Variants in RBFOX3 observed in about 807,000 individuals in gnomAD.
The protein encoded by RBFOX3 is RNA binding fox-1 homolog 3, also known as RNA binding protein fox-1 homolog 3.
A neutral mutation model predicts 48.7 loss-of-function variants in RBFOX3; 17 were observed. The ratio of observed to expected loss-of-function variants is 0.35; its 90% CI spans 0.24 to 0.52. RBFOX3 has a LOEUF of 0.52. RBFOX3 is among the 20% of genes least tolerant of loss of function. RBFOX3 has a pLI of 0.94. For missense variants in RBFOX3, 382 were observed against 497.5 expected (o/e 0.77, Z 2.21); for synonymous variants, 212 against 209.5 (o/e 1.01, Z -0.10).
intron 3 of RBFOX3, among the ~76,000 whole-genome samples, chr17:79,241,599 G>A (rs34664400): frequency 0.24 from 35,842 of 152,046 alleles, 4,937 homozygotes; most frequent in South Asian, 0.32. Context: ...CTGTTTGTGC[G>A]GGAGGAAGCT....
intron 3 of RBFOX3, among the ~76,000 whole-genome samples, chr17:79,282,021 G>A (rs1434152329): frequency 6.6e-6 from 1 of 152,228 alleles, no homozygotes; most frequent in Admixed American, 6.5e-5. Context: ...CACTGAGGGG[G>A]CAGGGGATGG....
chr17:79,378,272 TCTC>T (rs1288545008), intron 2 of RBFOX3, among the ~76,000 whole-genome samples: 2 of 151,930 alleles, frequency 1.3e-5, no homozygotes, highest in African/African-American at 4.8e-5. Context: ...AGAAGACTCT[TCTC>T]CTAGAAGAGT....
intron 4 of RBFOX3, among the ~76,000 whole-genome samples, chr17:79,143,068 G>A (rs80300689): frequency 0.018 from 2,677 of 152,264 alleles, 75 homozygotes; most frequent in African/African-American, 0.061. Context: ...CATCTGTAAA[G>A]GGGACTCACA....
At chr17:79,107,730 A>G (rs1281119113) in intron 5 of RBFOX3, among the ~76,000 whole-genome samples, 2 of 152,234 alleles carry the variant, frequency 1.3e-5, no homozygotes, top group African/African-American at 4.8e-5. Flanking sequence ...CCCAGGCCCA[A>G]GGGCCTCTAC....
the RBFOX3 span, among the ~76,000 whole-genome samples, chr17:79,648,091 T>C: frequency 6.6e-6 from 1 of 151,756 alleles, no homozygotes; most frequent in Non-Finnish European, 1.5e-5. Context: ...GCAGAGCTGG[T>C]CTGGGGGTGC....
chr17:79,467,078 C>T (rs1317995208), intron 2 of RBFOX3, among the ~76,000 whole-genome samples: 4 of 151,956 alleles, frequency 2.6e-5, no homozygotes, highest in South Asian at 2.1e-4. Flanking sequence ...GGCACTGCCA[C>T]GGGCATGTGT....
At chr17:79,619,221 C>A in the RBFOX3 span, among the ~76,000 whole-genome samples, 6 of 152,144 alleles carry the variant, frequency 3.9e-5, no homozygotes, top group African/African-American at 1.4e-4. Context: ...AGAGACTGCC[C>A]AGGGCCAGCA....
Position 79,090,723 on chromosome 17 carries a change from C to G in RBFOX3, c.*160G>C. On this transcript the variant is annotated 3_prime_UTR_variant, in exon 15 of 15. Coordinates refer to ENST00000693108, the MANE Select transcript of RBFOX3 (RefSeq NM_001350451.2). The stretch of plus-strand genomic sequence containing the variant: ...TGCTCCCTCGGTGCGGGCGTGTGGC[C>G]AGGACGCGGGACTTGGACTTGGTTG... The G allele has an allele frequency of 1.1e-6, 1 of 918,896 alleles. No individual in the cohort carries two copies. Among genetic ancestry groups the G allele is most frequent in the Non-Finnish European group, 1.6e-6 (1 of 618,160 alleles). 56.9% of individuals were successfully genotyped at this position (918,896 alleles called of 1,614,324 possible). A position where few individuals can be genotyped will look rare whatever the true frequency, so the allele number is the denominator to read the frequency against.
chr17:79,149,856 C>T (rs934355357), intron 4 of RBFOX3, among the ~76,000 whole-genome samples: 41 of 150,344 alleles, frequency 2.7e-4, no homozygotes, highest in African/African-American at 6.9e-4. Context: ...GAGATGGCTG[C>T]CAGCCTCCTC....
intron 1 of RBFOX3, chr17:79,601,464 T>C (rs2093704256): frequency 6.6e-6 from 1 of 152,256 alleles, no homozygotes. Context: ...TGCAGCAGAC[T>C]TAATATTTTC....
chr17:79,115,339 G>A (rs553030484), intron 5 of RBFOX3, among the ~76,000 whole-genome samples, 155 bp downstream of exon 5: 40 of 152,252 alleles, frequency 2.6e-4, no homozygotes, highest in African/African-American at 8.7e-4. Context: ...TCTGGCCCAG[G>A]AGCCCCGTAA....
intron 3 of RBFOX3, among the ~76,000 whole-genome samples, chr17:79,295,956 G>A (rs1025013211): frequency 1.3e-5 from 2 of 151,872 alleles, no homozygotes; most frequent in Admixed American, 1.3e-4. Flanking sequence ...ATGAGCCAGC[G>A]TCATTCCCAG....
At chr17:79,411,885 G>A (rs562999240) in intron 2 of RBFOX3, among the ~76,000 whole-genome samples, 8 of 152,200 alleles carry the variant, frequency 5.3e-5, no homozygotes, top group South Asian at 2.1e-4. Context: ...TGTGTGCAGC[G>A]TGTATGCACG....
At chr17:79,616,335 A>C in the RBFOX3 span, among the ~76,000 whole-genome samples, 1 of 152,110 alleles carries the variant, frequency 6.6e-6, no homozygotes, top group South Asian at 2.1e-4. Context: ...CAGGAGCTCA[A>C]GACCAGCCTG....
chr17:79,432,399 C>T (rs1390804027), intron 2 of RBFOX3, among the ~76,000 whole-genome samples: 13 of 152,334 alleles, frequency 8.5e-5, no homozygotes, highest in South Asian at 4.1e-4. Context: ...GGCCAGGCGG[C>T]AAAAGCCAGC....
intron 1 of RBFOX3, among the ~76,000 whole-genome samples, chr17:79,558,272 G>A (rs986445900): frequency 6.6e-6 from 1 of 152,226 alleles, no homozygotes; most frequent in Admixed American, 6.5e-5. Context: ...TGGCGCAGGA[G>A]CAGGAAGGAA....
At chr17:79,619,988 C>CGCACATGCACACACAT in the RBFOX3 span, among the ~76,000 whole-genome samples, 1 of 151,966 alleles carries the variant, frequency 6.6e-6, no homozygotes, top group Admixed American at 6.5e-5. Flanking sequence ...CGCGCACACA[C>CGCACATGCACACACAT]GCACATGCAC....
At chr17:79,466,665 A>C (rs1352246925) in intron 2 of RBFOX3, among the ~76,000 whole-genome samples, 2 of 152,068 alleles carry the variant, frequency 1.3e-5, no homozygotes, top group African/African-American at 2.4e-5. Context: ...TGAAAGTCCC[A>C]CACACACACA....
chr17:79,558,987 G>A (rs2091983113), intron 1 of RBFOX3, among the ~76,000 whole-genome samples: 2 of 152,166 alleles, frequency 1.3e-5, no homozygotes, highest in African/African-American at 4.8e-5. Context: ...GTGCTCAGCT[G>A]AGGGGCAGCA....
Sources: gnomAD v4.1 joint callset for allele counts (sites outside exome capture counted in the v4.1 genomes callset) on GRCh38, gnomAD v4.1.1 for gene constraint, MANE v1.5 for transcripts, NCBI Gene and HGNC (gene_info 2026-07-23, HGNC 2026-07-21) for gene names.